The following VTI1A variants were observed in gnomAD, a reference collection of about 807,000 sequenced individuals.
The protein encoded by VTI1A is vesicle transport through interaction with t-SNAREs homolog 1A.
A neutral mutation model predicts 34.9 loss-of-function variants in VTI1A; 22 were observed. That is an observed-to-expected ratio of 0.63 (90% CI 0.45 to 0.90). The LOEUF is 0.90. Among genes scored for constraint, VTI1A ranks in the 40% least tolerant of loss-of-function variants. The probability of loss-of-function intolerance (pLI) is 0.00; values close to 1 mark genes in which losing one functional copy is unlikely to be tolerated. For missense variants in VTI1A, 268 were observed against 275.6 expected (o/e 0.97, Z 0.20); for synonymous variants, 87 against 97.3 (o/e 0.89, Z 0.62).
At chr10:112,604,915 G>T (rs1204549028) in intron 5 of VTI1A, among the ~76,000 whole-genome samples, 1 of 152,070 alleles carries the variant, frequency 6.6e-6, no homozygotes, top group Non-Finnish European at 1.5e-5. Flanking sequence ...AGTGAACATT[G>T]TGTTTAAATA....
chr10:112,447,029 T>G (rs1207221999), upstream of VTI1A: 2 of 285,578 alleles, frequency 7.0e-6, no homozygotes, highest in Non-Finnish European at 1.4e-5. Flanking sequence ...CCGGAGCCGA[T>G]TCCCAGAACA....
Position 112,808,624 on chromosome 10 carries a change from CA to C in VTI1A, c.561-6646del, listed in dbSNP as rs760656671. ...TGGGCGACAAAGCGAGACTCCATCTCAAAAAAAAAAAAAAAAAAAAGAAAGC... is the reference window on the plus strand; with the variant it reads ...TGGGCGACAAAGCGAGACTCCATCTCAAAAAAAAAAAAAAAAAAAGAAAGC... On this transcript the variant is annotated intron_variant, in intron 7 of 7. Transcript: ENST00000393077. Among the ~76,000 whole-genome samples the C allele has an allele frequency of 8.9e-3, 531 of 59,572 alleles. 1 individual carries two copies. Among genetic ancestry groups the C allele is most frequent in the African/African-American group, 0.023 (364 of 15,706 alleles). The allele number at this position is 59,572 out of a possible 152,430, so 39.1% of individuals were successfully genotyped here. A position where few individuals can be genotyped will look rare whatever the true frequency, so the allele number is the denominator to read the frequency against.
At chr10:112,465,519 A>T (rs958459465) in intron 3 of VTI1A, among the ~76,000 whole-genome samples, 3 of 152,250 alleles carry the variant, frequency 2.0e-5, no homozygotes, top group Non-Finnish European at 2.9e-5. Context: ...ATGGAATATT[A>T]TTCAGCCTTA....
chr10:112,591,196 C>T (rs1844372340), intron 5 of VTI1A, among the ~76,000 whole-genome samples: 2 of 152,096 alleles, frequency 1.3e-5, no homozygotes, highest in African/African-American at 4.8e-5. Flanking sequence ...GGAATTCAGC[C>T]TCTCTGTTGG....
chr10:112,741,443 A>G (rs182014740), intron 7 of VTI1A, among the ~76,000 whole-genome samples: 4 of 152,310 alleles, frequency 2.6e-5, no homozygotes, highest in African/African-American at 9.6e-5. Flanking sequence ...CTCAAAAACT[A>G]AAAAACAAAA....
intron 3 of VTI1A, among the ~76,000 whole-genome samples, chr10:112,510,179 A>G (rs959667528): frequency 3.9e-5 from 6 of 152,202 alleles, no homozygotes; most frequent in Non-Finnish European, 7.4e-5. Context: ...ACATTTGACA[A>G]TGACCTAAGA....
chr10:112,545,104 A>C (rs964481330), intron 5 of VTI1A, among the ~76,000 whole-genome samples: 5 of 152,248 alleles, frequency 3.3e-5, no homozygotes, highest in African/African-American at 1.2e-4. Context: ...TTACCAACTG[A>C]AATTGCCAAC....
rs180999087 is a variant in VTI1A at position 112,551,470 on chromosome 10, A to G, written c.427+13140A>G. 4.1e-3 allele frequency among the ~76,000 whole-genome samples: 620 copies of G among 152,222 alleles called. 2 individuals are homozygous for G. Among genetic ancestry groups the G allele is most frequent in the African/African-American group, 0.014 (577 of 41,530 alleles). On this transcript the variant is annotated intron_variant, in intron 5 of 7. Coordinates refer to ENST00000393077, the MANE Select transcript of VTI1A (RefSeq NM_145206.4). Reference sequence around the variant, plus strand: ...TATAGCAAGAAAAATACTGCCTTACATTATTATTATTGGCAAATTTTGCGT... The same window carrying G: ...TATAGCAAGAAAAATACTGCCTTACGTTATTATTATTGGCAAATTTTGCGT...
upstream of VTI1A, chr10:112,447,078 CT>C (rs748316597): frequency 4.9e-6 from 2 of 411,642 alleles, no homozygotes; most frequent in South Asian, 3.2e-5. Context: ...TCCCTCAGAA[CT>C]TGCATATTTT....
intron 5 of VTI1A, among the ~76,000 whole-genome samples, chr10:112,646,751 T>C (rs1846804747): frequency 6.6e-6 from 1 of 152,040 alleles, no homozygotes; most frequent in Non-Finnish European, 1.5e-5. Flanking sequence ...CCTCAGGTGA[T>C]CCACCCGCCT....
chr10:112,846,890 C>A, the VTI1A span, among the ~76,000 whole-genome samples: 3 of 151,966 alleles, frequency 2.0e-5, no homozygotes, highest in Non-Finnish European at 2.9e-5. Flanking sequence ...GAAAGTCTAA[C>A]TTGGAAGAGA....
At chr10:112,521,430 T>C (rs1850025811) in intron 3 of VTI1A, among the ~76,000 whole-genome samples, 1 of 152,094 alleles carries the variant, frequency 6.6e-6, no homozygotes, top group Non-Finnish European at 1.5e-5. Context: ...CTACTAGTTT[T>C]ATTGCATCCT....
rs531300489 is a variant in VTI1A at position 112,452,135 on chromosome 10, A to G, written c.94+4668A>G. Among the ~76,000 whole-genome samples the G allele has an allele frequency of 8.5e-5, 13 of 152,264 alleles. No homozygotes were observed. The South Asian group carries it at 2.7e-3, about 32-fold the overall frequency. On this transcript the variant is annotated intron_variant, in intron 1 of 7. Coordinates refer to ENST00000393077, the MANE Select transcript of VTI1A (RefSeq NM_145206.4). ...CCTGATTCAGGAACTCACTGCTACA[A>G]TAGTTTGTTCCTTGTTAGGATTCAG...
chr10:112,847,272 T>C, the VTI1A span, among the ~76,000 whole-genome samples: 1 of 152,196 alleles, frequency 6.6e-6, no homozygotes, highest in African/African-American at 2.4e-5. Flanking sequence ...GAGCAGCCGC[T>C]AATCTCCCTT....
intron 7 of VTI1A, among the ~76,000 whole-genome samples, chr10:112,717,485 G>C (rs572999110): frequency 7.9e-5 from 12 of 152,226 alleles, no homozygotes; most frequent in East Asian, 3.9e-4. Context: ...AACTATGTAG[G>C]GGGGACAGGA....
intron 5 of VTI1A, among the ~76,000 whole-genome samples, chr10:112,607,751 C>T (rs954766041): frequency 6.6e-6 from 1 of 152,196 alleles, no homozygotes; most frequent in Non-Finnish European, 1.5e-5. Flanking sequence ...CTGTAGTCAT[C>T]AGCACACTTG....
intron 7 of VTI1A, among the ~76,000 whole-genome samples, chr10:112,804,833 G>A (rs931980990): frequency 2.0e-5 from 3 of 147,660 alleles, no homozygotes; most frequent in African/African-American, 7.5e-5. Context: ...AAGGAGGGCC[G>A]CCCTAGGTAG....
At chr10:112,651,228 T>C (rs959197901) in intron 5 of VTI1A, among the ~76,000 whole-genome samples, 8 of 152,346 alleles carry the variant, frequency 5.3e-5, no homozygotes, top group African/African-American at 1.7e-4. Context: ...TACATGATAT[T>C]TTAAATATGA....
At chr10:112,641,750 T>G (rs1430320170) in intron 5 of VTI1A, among the ~76,000 whole-genome samples, 1 of 152,252 alleles carries the variant, frequency 6.6e-6, no homozygotes, top group Non-Finnish European at 1.5e-5. Context: ...CTTGCAGTTA[T>G]GTTTTTTTAT....
Sources: gnomAD v4.1 joint callset for allele counts (sites outside exome capture counted in the v4.1 genomes callset) on GRCh38, gnomAD v4.1.1 for gene constraint, MANE v1.5 for transcripts, NCBI Gene and HGNC (gene_info 2026-07-23, HGNC 2026-07-21) for gene names.